The following CCBE1 variants were observed in gnomAD, a reference collection of about 807,000 sequenced individuals.
The protein encoded by CCBE1 is collagen and calcium binding EGF domains 1, also known as collagen and calcium-binding EGF domain-containing protein 1.
CCBE1 carries 37 observed loss-of-function variants against 50.0 expected under a neutral mutation model. The observed-to-expected ratio is 0.74, with a 90% CI of 0.57 to 0.97. The LOEUF (loss-of-function observed/expected upper bound fraction) is 0.97. Among genes scored for constraint, CCBE1 ranks in the 50% least tolerant of loss-of-function variants. The pLI, the probability that CCBE1 is intolerant of heterozygous loss-of-function variation, is 0.00. For missense variants in CCBE1, 538 were observed against 523.8 expected (o/e 1.03, Z -0.26); for synonymous variants, 234 against 203.7 (o/e 1.15, Z -1.27).
chr18:59,617,375 G>T (rs192458480), intron 2 of CCBE1, among the ~76,000 whole-genome samples: 2 of 152,338 alleles, frequency 1.3e-5, no homozygotes, highest in East Asian at 3.9e-4. Context: ...TACCTTTGGA[G>T]ATGTCACCTC....
intron 2 of CCBE1, among the ~76,000 whole-genome samples, chr18:59,508,079 G>C (rs1224560367): frequency 6.6e-6 from 1 of 151,936 alleles, no homozygotes; most frequent in Admixed American, 6.5e-5. Context: ...TTTTAGTAGA[G>C]ATGGGGTTTC....
upstream of CCBE1, chr18:59,697,611 T>G: frequency 2.1e-6 from 1 of 469,898 alleles, no homozygotes; most frequent in Non-Finnish European, 3.8e-6. Context: ...GCCCTGAGGT[T>G]CAAGTTGTCT....
intron 2 of CCBE1, among the ~76,000 whole-genome samples, chr18:59,593,953 T>C (rs1005539050): frequency 6.6e-6 from 1 of 152,214 alleles, no homozygotes; most frequent in African/African-American, 2.4e-5. Flanking sequence ...GACATATTCT[T>C]TCTTACCTTG....
chr18:59,516,738 C>A, intron 2 of CCBE1, among the ~76,000 whole-genome samples: 1 of 152,174 alleles, frequency 6.6e-6, no homozygotes, highest in Non-Finnish European at 1.5e-5. Flanking sequence ...AGACTTCAGA[C>A]TCTTGGAAGG....
chr18:59,514,009 C>T (rs12967801), intron 2 of CCBE1, among the ~76,000 whole-genome samples: 28,088 of 152,144 alleles, frequency 0.18, 2,839 homozygotes, highest in Middle Eastern at 0.22. Flanking sequence ...ACAACGAGAA[C>T]AGCAGTATCA....
At chr18:59,471,885 C>T (rs1053318555) in intron 3 of CCBE1, among the ~76,000 whole-genome samples, 2 of 152,250 alleles carry the variant, frequency 1.3e-5, no homozygotes, top group Non-Finnish European at 2.9e-5. Flanking sequence ...GTTTCAATAG[C>T]AGCTGCAAGC....
chr18:59,576,026 C>G (rs1330713751), intron 2 of CCBE1, among the ~76,000 whole-genome samples: 1 of 152,200 alleles, frequency 6.6e-6, no homozygotes, highest in Non-Finnish European at 1.5e-5. Flanking sequence ...AGTTACTAAT[C>G]TTTTTGCATT....
chr18:59,437,342 C>T (rs376632583), intron 10 of CCBE1, among the ~76,000 whole-genome samples: 1 of 152,194 alleles, frequency 6.6e-6, no homozygotes, highest in African/African-American at 2.4e-5. Context: ...CTAAGAGAGG[C>T]ACAGTATTTT....
chr18:59,509,586 G>T (rs1914039891), intron 2 of CCBE1, among the ~76,000 whole-genome samples: 1 of 152,018 alleles, frequency 6.6e-6, no homozygotes, highest in South Asian at 2.1e-4. Flanking sequence ...AAACCCTCAG[G>T]GGCACACACT....
chr18:59,608,104 A>C (rs923952802), intron 2 of CCBE1, among the ~76,000 whole-genome samples: 1 of 152,246 alleles, frequency 6.6e-6, no homozygotes, highest in Admixed American at 6.5e-5. Context: ...TGGGTGACAG[A>C]GTGAGACTCC....
intron 2 of CCBE1, among the ~76,000 whole-genome samples, chr18:59,598,097 C>G (rs1203658889): frequency 1.3e-5 from 2 of 152,134 alleles, no homozygotes; most frequent in Admixed American, 1.3e-4. Context: ...CAGTATCATG[C>G]CCTCATCTTC....
At position 59,584,682 on chromosome 18, in the gene CCBE1, G is replaced by A. The variant is rs117238799; in HGVS notation, c.213-104444C>T. 2.1e-3 allele frequency among the ~76,000 whole-genome samples: 314 copies of A among 152,186 alleles called. 4 individuals carry two copies. In the East Asian group the frequency reaches 0.032, roughly 15 times the overall value. On this transcript the variant is annotated intron_variant, in intron 2 of 10. Transcript: ENST00000439986. ...CACCTCCCCGTTGTCCCTCTTGCTT[G>A]TGCTTCACCATGTAAGATGCCTGTT...
intron 2 of CCBE1, among the ~76,000 whole-genome samples, chr18:59,573,249 C>T (rs531693039): frequency 1.1e-4 from 15 of 134,040 alleles, no homozygotes; most frequent in African/African-American, 3.8e-4. Context: ...TGTGCCAGTG[C>T]ACTCCAGCCT....
chr18:59,487,762 A>G (rs1466140226), intron 2 of CCBE1, among the ~76,000 whole-genome samples: 2 of 152,252 alleles, frequency 1.3e-5, no homozygotes, highest in African/African-American at 4.8e-5. Flanking sequence ...GATGGTCAAG[A>G]TCAAATGAGA....
rs753754522 is a variant in CCBE1, at chr18:59,469,485, G to C, written c.388C>G (p.Pro130Ala). ...ATTCCCAACACACCCAGACAGTATGGCTTCTCCCGCTTCCGGTGTCTCTCC... is the reference window on the plus strand; with the variant it reads ...ATTCCCAACACACCCAGACAGTATGCCTTCTCCCGCTTCCGGTGTCTCTCC... ...DRERHRKREK[P>A]YCLDIDECAS... Residue 130 changes from proline to alanine, a missense_variant, in exon 4 of 11, where the codon CCA becomes GCA. By Grantham distance (27) the Pro-to-Ala change is conservative. Coordinates refer to ENST00000439986, the MANE Select transcript of CCBE1 (RefSeq NM_133459.4). The C allele has an allele frequency of 3.1e-6, 5 of 1,614,164 alleles. No individual in the cohort carries two copies. In the Admixed American group the frequency reaches 5.0e-5, roughly 16 times the overall value.
intron 2 of CCBE1, among the ~76,000 whole-genome samples, chr18:59,682,878 TAA>T (rs1304935040): frequency 6.6e-6 from 1 of 152,148 alleles, no homozygotes; most frequent in Non-Finnish European, 1.5e-5. Context: ...ACAAGGTAAA[TAA>T]AGTCTTAAAA....
At chr18:59,666,781 A>G (rs2054363326) in intron 2 of CCBE1, among the ~76,000 whole-genome samples, 2 of 152,134 alleles carry the variant, frequency 1.3e-5, no homozygotes. Flanking sequence ...CCTGGCTAAC[A>G]TGGTGAAACC....
chr18:59,641,427 CAG>C (rs2144646260), intron 2 of CCBE1, among the ~76,000 whole-genome samples: 1 of 152,206 alleles, frequency 6.6e-6, no homozygotes, highest in South Asian at 2.1e-4. Flanking sequence ...AAGGGAACAA[CAG>C]ACTCTGGGGC....
At chr18:59,600,870 G>A (rs561248122) in intron 2 of CCBE1, among the ~76,000 whole-genome samples, 3 of 152,136 alleles carry the variant, frequency 2.0e-5, no homozygotes, top group South Asian at 4.2e-4. Context: ...CTTTAAGGTT[G>A]GTAAGGGGTG....
Sources: gnomAD v4.1 joint callset for allele counts (sites outside exome capture counted in the v4.1 genomes callset) on GRCh38, gnomAD v4.1.1 for gene constraint, MANE v1.5 for transcripts, NCBI Gene and HGNC (gene_info 2026-07-23, HGNC 2026-07-21) for gene names.